The following KCNC4 variants were observed in gnomAD, a reference collection of about 807,000 sequenced individuals.
The protein encoded by KCNC4 is voltage-gated potassium channel KCNC4.
Under a neutral mutation model 42.8 loss-of-function variants are expected in KCNC4, and 23 were observed. That is an observed-to-expected ratio of 0.54 (90% CI 0.39 to 0.76). KCNC4 has a LOEUF of 0.76. KCNC4 is among the 30% of genes least tolerant of loss of function. The pLI is 0.00. For missense variants in KCNC4, 751 were observed against 898.2 expected (o/e 0.84, Z 2.10); for synonymous variants, 422 against 393.5 (o/e 1.07, Z -0.86).
In KCNC4 at chr1:110,211,410, TCCTCCC is replaced by T; in HGVS notation, c.-81_-76del. On this transcript the variant is annotated 5_prime_UTR_variant, in exon 1 of 4. Transcript: ENST00000438661. The surrounding 1 kb of genome is among the most constrained non-coding windows in gnomAD (Gnocchi z 6.5). ...CACCGCCTCCTGCCTCCTCTTCGTC[TCCTCCC>T]CCTCCCCCGTCTGACGCTGCCTCCT... 14 of 1,482,370 alleles carry T rather than the reference TCCTCCC, an allele frequency of 9.4e-6. No homozygotes were observed. The highest frequency in any genetic ancestry group is 1.3e-5 in the Non-Finnish European group (14 of 1,110,938). 91.8% of individuals were successfully genotyped at this position (1,482,370 alleles called of 1,614,324 possible). A position where few individuals can be genotyped will look rare whatever the true frequency, so the allele number is the denominator to read the frequency against.
At chr1:110,215,906 G>A (rs553462659) in intron 1 of KCNC4, among the ~76,000 whole-genome samples, 9 of 152,354 alleles carry the variant, frequency 5.9e-5, no homozygotes, top group Non-Finnish European at 1.3e-4. Context: ...CTCCTGCCCA[G>A]AGAGGATCTC....
At chr1:110,236,769 G>C (rs1484454475), downstream of KCNC4, 1 of 152,124 alleles carries the variant, frequency 6.6e-6, no homozygotes, top group Admixed American at 6.5e-5. Flanking sequence ...GGCTCAAGCT[G>C]GAGAAGTCTT....
At chr1:110,261,429 A>G (rs914284678) in intron 1 of KCNC4, among the ~76,000 whole-genome samples, 6 of 152,246 alleles carry the variant, frequency 3.9e-5, no homozygotes, top group Admixed American at 1.3e-4. Flanking sequence ...AATCTGCTAT[A>G]TATTTGATTT....
At position 110,212,022 on chromosome 1, in the gene KCNC4, G is replaced by C; in HGVS notation, c.523G>C (p.Asp175His). ...DGGGSGAGPS[D>H]EAGDDERELA... The stretch of plus-strand genomic sequence containing the variant: ...AGGCGGCAGCGGCGCGGGGCCCAGC[G>C]ACGAGGCCGGCGACGATGAGCGGGA... The change falls in exon 1 of 4, where the codon GAC becomes CAC. Residue 175 changes from aspartate to histidine, a missense_variant. By Grantham distance (81) the Asp-to-His change is moderately conservative. Coordinates refer to ENST00000438661, the MANE Select transcript of KCNC4 (RefSeq NM_001039574.3). The C allele has an allele frequency of 2.5e-6, 4 of 1,596,392 alleles. No homozygotes were observed. Among genetic ancestry groups the C allele is most frequent in the South Asian group, 1.1e-5 (1 of 89,614 alleles).
At position 110,225,968 on chromosome 1, in the gene KCNC4, C is replaced by G; in HGVS notation, c.1616-7C>G. On this transcript the variant is annotated splice_polypyrimidine_tract_variant and splice_region_variant and intron_variant, in intron 2 of 3. Coordinates refer to ENST00000438661, the MANE Select transcript of KCNC4 (RefSeq NM_001039574.3). Reference sequence around the variant, plus strand: ...CATGCAGCCTCCTTTCTGTGTGCCCCCTTCAGACTCTAAGCAGAATGGCGA... The same window carrying G: ...CATGCAGCCTCCTTTCTGTGTGCCCGCTTCAGACTCTAAGCAGAATGGCGA... The G allele has an allele frequency of 6.3e-7, 1 of 1,575,378 alleles. No homozygotes were observed. The highest frequency in any genetic ancestry group is 8.6e-7 in the Non-Finnish European group (1 of 1,156,478).
At chr1:110,246,351 T>C (rs984238525) in exon 4 of KCNC4, 9 of 152,332 alleles carry the variant, frequency 5.9e-5, no homozygotes, top group Admixed American at 5.9e-4. Context: ...CTACCAACCA[T>C]GAGTCAGACT....
At chr1:110,224,980 A>G in intron 2 of KCNC4, 1 of 152,328 alleles carries the variant, frequency 6.6e-6, no homozygotes, top group Non-Finnish European at 1.5e-5. Context: ...CCCGGGGGTC[A>G]TGTCAGGGGC....
chr1:110,279,572 G>A (rs1659786298), intron 1 of KCNC4, among the ~76,000 whole-genome samples: 2 of 152,192 alleles, frequency 1.3e-5, no homozygotes, highest in Non-Finnish European at 2.9e-5. Flanking sequence ...ATGCTGGATA[G>A]AGTGATCCTG....
chr1:110,256,713 G>A (rs1181913234), intron 1 of KCNC4: 1 of 153,590 alleles, frequency 6.5e-6, no homozygotes, highest in South Asian at 1.8e-4. Context: ...AGTCTGCAGT[G>A]GACGGGAAGC....
rs371851393 is a variant in KCNC4 at position 110,210,906 on chromosome 1, T to TGCC, written c.-581_-579dup. On this transcript the variant is annotated 5_prime_UTR_variant, in exon 1 of 4. Coordinates refer to ENST00000438661, the MANE Select transcript of KCNC4 (RefSeq NM_001039574.3). ...TTATGAATGGGGGGAAGAGGCCACA[T>TGCC]GCCGCCGCCGCCGCCTCGTGTTGAC... 5.3e-5 allele frequency among the ~76,000 whole-genome samples: 8 copies of TGCC among 152,050 alleles called. No homozygotes were observed. The highest frequency in any genetic ancestry group is 2.0e-4 in the Admixed American group (3 of 15,270).
rs1159291565 is a variant in KCNC4 at position 110,226,092 on chromosome 1, C to T, written c.1733C>T (p.Thr578Ile). ...PEERRALRRS[T>I]TRDRNKKAAA... is the part of the protein sequence containing the mutation. ...GAGCGCCGGGCCCTGCGACGCTCCA[C>T]CACTCGAGACAGAAACAAGAAGGCA... The change falls in exon 3 of 4, where the codon ACC becomes ATC. Residue 578 changes from threonine (T) to isoleucine (I), a missense_variant. Thr to Ile is a moderately conservative substitution (Grantham distance 89, BLOSUM62 -1). Around this residue, in one of 4 missense-constraint regions of KCNC4, gnomAD observed 202 missense variants for 181.5 expected, o/e 1.11. Transcript: ENST00000438661. 1.9e-6 allele frequency: 3 copies of T among 1,614,132 alleles called. No individual in the cohort carries two copies. The highest frequency in any genetic ancestry group is 2.5e-6 in the Non-Finnish European group (3 of 1,180,018).
chr1:110,268,938 G>C (rs1411038159), intron 1 of KCNC4, among the ~76,000 whole-genome samples: 1 of 151,820 alleles, frequency 6.6e-6, no homozygotes, highest in African/African-American at 2.4e-5. Flanking sequence ...CCGTGGTCTC[G>C]ATCTCCTGAC....
intron 1 of KCNC4, among the ~76,000 whole-genome samples, chr1:110,281,555 A>AAAACAC (rs1553219350): frequency 7.1e-6 from 1 of 140,350 alleles, no homozygotes; most frequent in Non-Finnish European, 1.5e-5. Context: ...CATATGTAAA[A>AAAACAC]ACACACACAC....
chr1:110,282,840 C>T (rs1298924911), intron 2 of KCNC4, among the ~76,000 whole-genome samples: 1 of 152,150 alleles, frequency 6.6e-6, no homozygotes, highest in African/African-American at 2.4e-5. Context: ...GAACCTGAGT[C>T]CAGTAAAAAA....
chr1:110,246,874 C>G (rs1240169331), exon 4 of KCNC4: 1 of 148,734 alleles, frequency 6.7e-6, no homozygotes. Flanking sequence ...ACTCAAATAA[C>G]ATACATTGTA....
At chr1:110,232,856 T>C in intron 3 of KCNC4, 55 bp from the exon 4 acceptor site, 1 of 1,568,286 alleles carries the variant, frequency 6.4e-7, no homozygotes, top group African/African-American at 1.4e-5. Context: ...CAGAAGGCAA[T>C]GTTGAGCCGA....
downstream of KCNC4, chr1:110,234,738 G>A (rs192262430): frequency 1.2e-3 from 187 of 152,446 alleles, no homozygotes; most frequent in Admixed American, 2.2e-3. Flanking sequence ...GGGGCCCTGC[G>A]TTTCCATCTT....
In KCNC4 at chr1:110,223,091, T is replaced by C. The variant is rs753217230; in HGVS notation, c.806T>C (p.Val269Ala). Residue 269 changes from valine to alanine, a missense_variant, in exon 2 of 4, where the codon GTG becomes GCG. Physicochemically the swap from Val to Ala is moderately conservative, Grantham distance 64. This residue lies in a region of KCNC4 where 181 missense variants were observed against 167.3 expected (regional missense o/e 1.08). Coordinates refer to ENST00000438661, the MANE Select transcript of KCNC4 (RefSeq NM_001039574.3). The surrounding 1 kb of genome is among the most constrained non-coding windows in gnomAD (Gnocchi z 7.5). ...CTCCGCGTAGGGAACATCACCAGCG[T>C]GCACTTCCGGCGGGAGGTAGAGACA... is the stretch of plus-strand genomic sequence containing the variant. ...EILRVGNITS[V>A]HFRREVETEP... is the part of the protein sequence containing the mutation. 1.2e-6 allele frequency: 2 copies of C among 1,614,194 alleles called. No homozygotes were observed. The highest frequency in any genetic ancestry group is 8.5e-7 in the Non-Finnish European group (1 of 1,180,032).
intron 3 of KCNC4, among the ~76,000 whole-genome samples, chr1:110,227,213 G>A (rs1571047860): frequency 6.6e-6 from 1 of 152,342 alleles, no homozygotes; most frequent in South Asian, 2.1e-4. Flanking sequence ...GGTTGAGTGA[G>A]GAAGGGGCAG....
Sources: allele counts gnomAD v4.1 joint callset (sites outside exome capture counted in the v4.1 genomes callset), GRCh38; gene constraint gnomAD v4.1.1; regional missense constraint gnomAD v4.1.1; non-coding constraint Gnocchi (gnomAD v3.1); transcripts MANE v1.5; gene names NCBI Gene and HGNC (gene_info 2026-07-23, HGNC 2026-07-21).